Variants in HPSE2 observed in about 807,000 individuals in gnomAD.
HPSE2 encodes the protein inactive heparanase-2.
In HPSE2, 38 loss-of-function variants were observed where a neutral mutation model predicts 60.5. The observed-to-expected ratio is 0.63, with a 90% CI of 0.48 to 0.82. The LOEUF is 0.82. Ranked by LOEUF, HPSE2 falls within the 40% of genes least tolerant of loss-of-function variation. The pLI, the probability that HPSE2 is intolerant of heterozygous loss-of-function variation, is 0.00. For missense variants in HPSE2, 713 were observed against 740.4 expected (o/e 0.96, Z 0.43); for synonymous variants, 295 against 293.2 (o/e 1.01, Z -0.06).
intron 4 of HPSE2, among the ~76,000 whole-genome samples, chr10:98,735,897 C>T (rs946649614): frequency 6.6e-6 from 1 of 152,080 alleles, no homozygotes. Context: ...TCAGATGAGA[C>T]CTTGGACTGT....
chr10:99,027,089 A>T (rs149395987), intron 3 of HPSE2, among the ~76,000 whole-genome samples: 2,308 of 152,154 alleles, frequency 0.015, 28 homozygotes, highest in Non-Finnish European at 0.022. Context: ...ACTAAACCCA[A>T]AAATAGTAGA....
chr10:98,941,232 G>A (rs1954990619), intron 3 of HPSE2, among the ~76,000 whole-genome samples: 1 of 132,772 alleles, frequency 7.5e-6, no homozygotes, highest in Admixed American at 7.7e-5. Context: ...GTTCTGGCCA[G>A]GGCAATTAGG....
At chr10:98,711,604 A>G (rs574913935) in intron 5 of HPSE2, among the ~76,000 whole-genome samples, 1 of 152,096 alleles carries the variant, frequency 6.6e-6, no homozygotes, top group Non-Finnish European at 1.5e-5. Flanking sequence ...AAAGAACAGA[A>G]CCTATTTCCC....
chr10:98,863,627 A>C (rs1482411267), intron 3 of HPSE2, among the ~76,000 whole-genome samples: 1 of 152,170 alleles, frequency 6.6e-6, no homozygotes, highest in Non-Finnish European at 1.5e-5. Flanking sequence ...GAGATGCTCA[A>C]GCCTACCTGC....
chr10:99,217,197 T>A (rs940544411), intron 2 of HPSE2, among the ~76,000 whole-genome samples: 1 of 150,254 alleles, frequency 6.7e-6, no homozygotes, highest in Admixed American at 6.6e-5. Flanking sequence ...AACATTAGTA[T>A]CTAGTAGCAA....
the HPSE2 span, among the ~76,000 whole-genome samples, chr10:99,294,484 T>C: frequency 2.0e-5 from 3 of 147,192 alleles, no homozygotes; most frequent in Non-Finnish European, 4.5e-5. Flanking sequence ...TATTTATATA[T>C]AAATACATAT....
intron 9 of HPSE2, among the ~76,000 whole-genome samples, chr10:98,603,517 C>T (rs1297624130): frequency 2.0e-5 from 3 of 151,372 alleles, no homozygotes; most frequent in Non-Finnish European, 4.4e-5. Flanking sequence ...GCAACCTCCG[C>T]CTCCCAGGTT....
intron 9 of HPSE2, among the ~76,000 whole-genome samples, chr10:98,572,686 T>C (rs960594160): frequency 1.3e-5 from 2 of 152,236 alleles, no homozygotes; most frequent in African/African-American, 4.8e-5. Flanking sequence ...TTTAATTTCC[T>C]AACATTTCCC....
At chr10:98,792,321 T>C (rs1252651880) in intron 3 of HPSE2, among the ~76,000 whole-genome samples, 1 of 152,180 alleles carries the variant, frequency 6.6e-6, no homozygotes, top group African/African-American at 2.4e-5. Flanking sequence ...ATCTAATCCT[T>C]TGGACATAAG....
chr10:98,457,594 C>T lies in HPSE2; in HGVS notation c.*1980G>A, dbSNP rs1237977396. ...TGTAGAAGAGACGTTGATATCTGCA[C>T]ACATTTTTAACAGTTGGGGGAACGA... On this transcript the variant is annotated 3_prime_UTR_variant, in exon 12 of 12. Transcript: ENST00000370552. 6 of 152,288 alleles carry T rather than the reference C, an allele frequency of 3.9e-5. No homozygotes were observed. Among genetic ancestry groups the T allele is most frequent in the Admixed American group, 2.0e-4 (3 of 15,284 alleles). 9.4% of individuals were successfully genotyped at this position (152,288 alleles called of 1,614,324 possible). A position where few individuals can be genotyped will look rare whatever the true frequency, so the allele number is the denominator to read the frequency against.
At chr10:99,207,258 G>T (rs531861469) in intron 2 of HPSE2, among the ~76,000 whole-genome samples, 1 of 152,204 alleles carries the variant, frequency 6.6e-6, no homozygotes, top group African/African-American at 2.4e-5. Flanking sequence ...CATATTCTAA[G>T]GGCTAAAAGA....
At chr10:99,242,105 AGAACCCTG>A in the HPSE2 span, among the ~76,000 whole-genome samples, 1 of 152,220 alleles carries the variant, frequency 6.6e-6, no homozygotes, top group Admixed American at 6.5e-5. Context: ...ACAGTACAAG[AGAACCCTG>A]GTTACAAAGT....
chr10:99,064,670 TAA>T (rs1306516949), intron 3 of HPSE2, among the ~76,000 whole-genome samples: 1 of 151,282 alleles, frequency 6.6e-6, no homozygotes, highest in Non-Finnish European at 1.5e-5. Flanking sequence ...TCTTAACATT[TAA>T]AAGTTTTGCC....
At chr10:98,926,108 T>C (rs1954453252) in intron 3 of HPSE2, among the ~76,000 whole-genome samples, 1 of 152,282 alleles carries the variant, frequency 6.6e-6, no homozygotes, top group Non-Finnish European at 1.5e-5. Context: ...ATATACATTC[T>C]TTATTATCTA....
At chr10:99,223,968 A>T (rs553166440) in intron 2 of HPSE2, among the ~76,000 whole-genome samples, 1 of 152,178 alleles carries the variant, frequency 6.6e-6, no homozygotes, top group African/African-American at 2.4e-5. Context: ...ATGTAAGTGG[A>T]GAAGTAGAGG....
chr10:98,804,501 A>G (rs1353368367), intron 3 of HPSE2, among the ~76,000 whole-genome samples: 1 of 152,312 alleles, frequency 6.6e-6, no homozygotes, highest in East Asian at 1.9e-4. Flanking sequence ...AAAATAAGAC[A>G]TACAAATGGC....
intron 3 of HPSE2, among the ~76,000 whole-genome samples, chr10:98,823,876 C>T (rs1052550561): frequency 3.9e-5 from 6 of 152,198 alleles, no homozygotes; most frequent in East Asian, 3.9e-4. Context: ...AATCAACAAA[C>T]GTCACCTAAT....
the HPSE2 span, among the ~76,000 whole-genome samples, chr10:99,256,403 C>T: frequency 3.7e-4 from 1 of 2,736 alleles, no homozygotes; most frequent in Non-Finnish European, 1.1e-3. Context: ...AGATGACTCA[C>T]CAAACAGGTC....
At chr10:99,064,431 C>G (rs1158463307) in intron 3 of HPSE2, among the ~76,000 whole-genome samples, 1 of 152,042 alleles carries the variant, frequency 6.6e-6, no homozygotes, top group Non-Finnish European at 1.5e-5. Flanking sequence ...CCAGTTGAAG[C>G]AGAAACCTCT....
Sources: allele counts gnomAD v4.1 joint callset (sites outside exome capture counted in the v4.1 genomes callset), GRCh38; gene constraint gnomAD v4.1.1; transcripts MANE v1.5; gene names NCBI Gene and HGNC (gene_info 2026-07-23, HGNC 2026-07-21).